The following ALG9 variants were observed in gnomAD, a reference collection of about 807,000 sequenced individuals.
The protein encoded by ALG9 is alpha-1,2-mannosyltransferase ALG9.
A neutral mutation model predicts 81.8 loss-of-function variants in ALG9; 55 were observed. The observed-to-expected ratio is 0.67, with a 90% CI of 0.54 to 0.84. ALG9 has a LOEUF of 0.84. ALG9 is among the 40% of genes least tolerant of loss of function. The pLI, the probability that ALG9 is intolerant of heterozygous loss-of-function variation, is 0.00. For missense variants in ALG9, 629 were observed against 745.0 expected (o/e 0.84, Z 1.81); for synonymous variants, 278 against 274.3 (o/e 1.01, Z -0.13).
intron 13 of ALG9, among the ~76,000 whole-genome samples, chr11:111,814,090 T>C (rs1164736125): frequency 1.3e-5 from 2 of 152,216 alleles, no homozygotes; most frequent in African/African-American, 2.4e-5. Context: ...AAAGTGGTGT[T>C]ATCTGTAGTA....
intron 8 of ALG9, among the ~76,000 whole-genome samples, chr11:111,853,053 TAAG>T (rs1958081509): frequency 7.5e-6 from 1 of 132,510 alleles, no homozygotes; most frequent in Admixed American, 7.6e-5. Flanking sequence ...GATTTTTTAA[TAAG>T]AAGAGAAAAA....
At chr11:111,862,025 A>G (rs1341306651) in intron 4 of ALG9, among the ~76,000 whole-genome samples, 3 of 152,104 alleles carry the variant, frequency 2.0e-5, no homozygotes, top group Non-Finnish European at 4.4e-5. Context: ...ATTGTCTTAC[A>G]CAGTTTCACT....
intron 10 of ALG9, among the ~76,000 whole-genome samples, chr11:111,839,378 G>T (rs1555121216): frequency 1.3e-5 from 2 of 152,080 alleles, no homozygotes; most frequent in African/African-American, 2.4e-5. Context: ...AAGGTCATGA[G>T]ATCGAGACCA....
At chr11:111,805,288 C>T (rs1555084046) in intron 14 of ALG9, 4 of 456,276 alleles carry the variant, frequency 8.8e-6, no homozygotes, top group East Asian at 6.9e-5. Context: ...ATACTGGCAT[C>T]GTGATCTTGG....
At chr11:111,834,057 GAAAC>G (rs1555115305) in intron 13 of ALG9, among the ~76,000 whole-genome samples, 2 of 152,204 alleles carry the variant, frequency 1.3e-5, no homozygotes, top group African/African-American at 4.8e-5. Flanking sequence ...GAACACAAAA[GAAAC>G]AAAGTGCAGT....
chr11:111,788,746 T>C (rs868983815), intron 14 of ALG9, among the ~76,000 whole-genome samples: 4 of 150,576 alleles, frequency 2.7e-5, no homozygotes, highest in Non-Finnish European at 5.9e-5. Flanking sequence ...GAGTGAGACA[T>C]TGTCCCAAAA....
At chr11:111,786,915 A>G (rs1033873151) in intron 14 of ALG9, among the ~76,000 whole-genome samples, 1 of 152,202 alleles carries the variant, frequency 6.6e-6, no homozygotes, top group African/African-American at 2.4e-5. Flanking sequence ...CCTGGACTCC[A>G]GCTCTAAGTT....
At chr11:111,770,185 G>A in the ALG9 span, among the ~76,000 whole-genome samples, 2 of 152,172 alleles carry the variant, frequency 1.3e-5, no homozygotes, top group African/African-American at 2.4e-5. Context: ...AATCACTTAA[G>A]ATGCCTGTTA....
intron 14 of ALG9, among the ~76,000 whole-genome samples, chr11:111,799,271 C>T (rs918463431): frequency 6.6e-6 from 1 of 152,096 alleles, no homozygotes; most frequent in African/African-American, 2.4e-5. Flanking sequence ...TTCAGCCTCC[C>T]GAGTAGCTGG....
chr11:111,822,589 T>C (rs1307085105), intron 13 of ALG9, among the ~76,000 whole-genome samples: 2 of 151,916 alleles, frequency 1.3e-5, no homozygotes, highest in African/African-American at 4.8e-5. Flanking sequence ...GGTGTGCACC[T>C]GTAGTCCCAG....
At chr11:111,844,860 TTCC>T in intron 8 of ALG9, 137 bp from the exon 9 acceptor site, 2 of 929,920 alleles carry the variant, frequency 2.2e-6, no homozygotes, top group Non-Finnish European at 3.5e-6. Context: ...CAGCCCACTC[TTCC>T]CATGCTAAGC....
At chr11:111,867,965 T>C (rs1476140046) in intron 3 of ALG9, among the ~76,000 whole-genome samples, 1 of 151,998 alleles carries the variant, frequency 6.6e-6, no homozygotes, top group Non-Finnish European at 1.5e-5. Flanking sequence ...AGAAAATAAA[T>C]TGAAAACAGA....
chr11:111,865,740 T>A (rs1463739686), intron 3 of ALG9, among the ~76,000 whole-genome samples: 3 of 152,298 alleles, frequency 2.0e-5, no homozygotes, highest in Middle Eastern at 6.8e-3. Context: ...CAGTTACAGC[T>A]ATGGACACTA....
chr11:111,801,811 C>T (rs1949163692), intron 14 of ALG9, among the ~76,000 whole-genome samples: 1 of 152,200 alleles, frequency 6.6e-6, no homozygotes, highest in Non-Finnish European at 1.5e-5. Flanking sequence ...CCCCTGTTAC[C>T]AGGAAGGTTG....
At chr11:111,778,672 C>A (rs1945759704), downstream of ALG9, among the ~76,000 whole-genome samples, 1 of 151,988 alleles carries the variant, frequency 6.6e-6, no homozygotes, top group African/African-American at 2.4e-5. Flanking sequence ...TTATCCAGAG[C>A]AGTGGTGTTC....
At chr11:111,768,258 A>G in the ALG9 span, among the ~76,000 whole-genome samples, 5 of 152,234 alleles carry the variant, frequency 3.3e-5, no homozygotes, top group African/African-American at 7.2e-5. Context: ...CACCATAGTA[A>G]CAATACGACG....
chr11:111,799,092 A>T (rs1014846342), intron 14 of ALG9, among the ~76,000 whole-genome samples: 1 of 152,190 alleles, frequency 6.6e-6, no homozygotes, highest in African/African-American at 2.4e-5. Context: ...AATTGTCCCA[A>T]TCATCTTTAG....
the ALG9 span, among the ~76,000 whole-genome samples, chr11:111,773,758 CT>C: frequency 7.7e-4 from 108 of 139,402 alleles, no homozygotes; most frequent in South Asian, 5.4e-3. Context: ...TTTGTTTTTG[CT>C]TTTTTTTTTT....
intron 14 of ALG9, among the ~76,000 whole-genome samples, chr11:111,806,298 C>G (rs1255271495): frequency 6.6e-6 from 1 of 152,040 alleles, no homozygotes; most frequent in Non-Finnish European, 1.5e-5. Flanking sequence ...TTTGCTACAC[C>G]AATTCTTCTA....
Sources: allele counts gnomAD v4.1 joint callset (sites outside exome capture counted in the v4.1 genomes callset), GRCh38; gene constraint gnomAD v4.1.1; transcripts MANE v1.5; gene names NCBI Gene and HGNC (gene_info 2026-07-23, HGNC 2026-07-21).